PAM16: variants seen among roughly 807,000 people sequenced by gnomAD.
PAM16 encodes the protein presequence translocase associated motor 16, also known as mitochondrial import inner membrane translocase subunit TIM16.
PAM16 carries 11 observed loss-of-function variants against 17.9 expected under a neutral mutation model. That is an observed-to-expected ratio of 0.62 (90% CI 0.39 to 1.02). The LOEUF (loss-of-function observed/expected upper bound fraction) is 1.02, where lower values mean the gene tolerates loss of function less well. PAM16 is among the 50% of genes least tolerant of loss of function. The pLI, the probability that PAM16 is intolerant of heterozygous loss-of-function variation, is 0.01. For synonymous variants in PAM16, 72 were observed against 67.4 expected (o/e 1.07, Z -0.34); for missense variants, 199 against 165.4 (o/e 1.20, Z -1.11).
intron 1 of PAM16, chr16:4,345,923 C>T (rs1343629795): frequency 1.0e-6 from 1 of 985,128 alleles, no homozygotes; most frequent in Non-Finnish European, 1.2e-6. Flanking sequence ...CTCAGACTAC[C>T]CCTCACACCA....
intron 1 of PAM16, among the ~76,000 whole-genome samples, chr16:4,344,988 G>T (rs372934859): frequency 2.6e-5 from 4 of 152,152 alleles, no homozygotes; most frequent in Admixed American, 2.6e-4. Flanking sequence ...GGGAGTTCCT[G>T]CGAGCAGCCA....
chr16:4,340,802 G>A, intron 4 of PAM16, 118 bp downstream of exon 4: 1 of 1,314,998 alleles, frequency 7.6e-7, no homozygotes, highest in Non-Finnish European at 1.1e-6. Context: ...GGAAAGCCTG[G>A]CACAGTTTTC....
In PAM16 at chr16:4,340,389, T is replaced by C. The variant is rs2053623878; in HGVS notation, c.308A>G (p.Glu103Gly). 2 of 1,612,346 alleles carry C rather than the reference T, an allele frequency of 1.2e-6. No individual in the cohort carries two copies. Among genetic ancestry groups the C allele is most frequent in the Admixed American group, 1.7e-5 (1 of 60,006 alleles). Residue 103 changes from glutamate to glycine, a missense_variant, in exon 5 of 5, where the codon GAG becomes GGG. Physicochemically the swap from Glu to Gly is moderately conservative, Grantham distance 98. Coordinates refer to ENST00000318059, the MANE Select transcript of PAM16 (RefSeq NM_016069.11). Reference protein sequence around the residue: ...YLQSKVVRAKERLDEELKIQA... With the variant: ...YLQSKVVRAKGRLDEELKIQA... ...GATTTTGAGTTCCTCATCCAGGCGCTCCTTTGCGCGGACCACCTAGTGGGT... is the reference window on the plus strand; with the variant it reads ...GATTTTGAGTTCCTCATCCAGGCGCCCCTTTGCGCGGACCACCTAGTGGGT...
Position 4,351,285 on chromosome 16 carries a change from C to T in PAM16, c.-51G>A. 7.0e-7 allele frequency: 1 copy of T among 1,434,076 alleles called. No homozygotes were observed. Among genetic ancestry groups the T allele is most frequent in the Non-Finnish European group, 9.2e-7 (1 of 1,081,398 alleles). The allele number at this position is 1,434,076 out of a possible 1,614,324, so 88.8% of individuals were successfully genotyped here. A position where few individuals can be genotyped will look rare whatever the true frequency, so the allele number is the denominator to read the frequency against. ...AAACTCCGACTTCCTGGCCCCGCGG[C>T]CGGGGATCAAGCGTGGTCGGCGGGT... On this transcript the variant is annotated 5_prime_UTR_variant, in exon 1 of 5. Transcript: ENST00000318059.
intron 2 of PAM16, among the ~76,000 whole-genome samples, chr16:4,341,991 G>A (rs916710075): frequency 6.6e-6 from 1 of 152,208 alleles, no homozygotes; most frequent in African/African-American, 2.4e-5. Context: ...TAAAGGCTCA[G>A]AGAGTAGCTA....
At chr16:4,341,079 C>T in intron 3 of PAM16, 94 bp from the exon 4 acceptor site, 2 of 1,473,536 alleles carry the variant, frequency 1.4e-6, no homozygotes, top group South Asian at 2.3e-5. Flanking sequence ...GGCAACAGGA[C>T]TCCTCTCCAC....
In PAM16 at chr16:4,340,962, C is replaced by T; in HGVS notation, c.249G>A (p.Val83=). ...AGGAGCCACCCACGGATTTATCATTCACCTTAAATAAGTGTTCATAGTTCT... is the reference window on the plus strand; with the variant it reads ...AGGAGCCACCCACGGATTTATCATTTACCTTAAATAAGTGTTCATAGTTCT... ...VQKNYEHLFK[V]NDKSVGGSFY... Residue 83 remains valine (V), a synonymous_variant, in exon 4 of 5, where the codon GTG becomes GTA. Coordinates refer to ENST00000318059, the MANE Select transcript of PAM16 (RefSeq NM_016069.11). 1 of 1,613,726 alleles carries T rather than the reference C, an allele frequency of 6.2e-7. No homozygotes were observed. The highest frequency in any genetic ancestry group is 8.5e-7 in the Non-Finnish European group (1 of 1,179,996).
chr16:4,350,354 CATA>C (rs943636537), intron 1 of PAM16, among the ~76,000 whole-genome samples: 27 of 149,046 alleles, frequency 1.8e-4, no homozygotes, highest in African/African-American at 4.2e-4. Flanking sequence ...ATATATATAA[CATA>C]ATAATATGTA....
intron 1 of PAM16, 178 bp from the exon 2 acceptor site, chr16:4,343,469 G>A: frequency 7.0e-7 from 1 of 1,430,746 alleles, no homozygotes; most frequent in Non-Finnish European, 9.1e-7. Flanking sequence ...ATGGTGGGTG[G>A]CTTAGTTACT....
Position 4,341,483 on chromosome 16 carries a change from G to T in PAM16, c.110C>A (p.Ala37Asp). 6.2e-7 allele frequency: 1 copy of T among 1,609,890 alleles called. No individual in the cohort carries two copies. The highest frequency in any genetic ancestry group is 8.5e-7 in the Non-Finnish European group (1 of 1,179,144). ...EFAASRAAAD[A>D]RGRAGHRSAA... Reference sequence around the variant, plus strand: ...AGACCGGTGTCCAGCGCGTCCTCGGGCATCAGCTGCGGCCCGGCTGGCTGT... The same window carrying T: ...AGACCGGTGTCCAGCGCGTCCTCGGTCATCAGCTGCGGCCCGGCTGGCTGT... Residue 37 changes from alanine to aspartate, a missense_variant, in exon 3 of 5, where the codon GCC (alanine) becomes GAC (aspartate). Physicochemically the swap from Ala to Asp is moderately radical, Grantham distance 126. Coordinates refer to ENST00000318059, the MANE Select transcript of PAM16 (RefSeq NM_016069.11).
At chr16:4,347,171 A>T (rs189656087) in intron 1 of PAM16, 2 of 152,286 alleles carry the variant, frequency 1.3e-5, no homozygotes, top group East Asian at 3.9e-4. Flanking sequence ...GCCTCCGAGG[A>T]CCTGCTCTTT....
intron 1 of PAM16, among the ~76,000 whole-genome samples, chr16:4,348,933 C>G (rs1352238548): frequency 1.3e-5 from 2 of 148,266 alleles, no homozygotes; most frequent in Admixed American, 6.8e-5. Flanking sequence ...CGTGAGCCAC[C>G]GTACCCGGCC....
Position 4,341,459 on chromosome 16 carries a change from G to A in PAM16, c.134C>T (p.Ser45Phe), listed in dbSNP as rs780209066. 5.0e-6 allele frequency: 8 copies of A among 1,609,984 alleles called. No homozygotes were observed. In the South Asian group the frequency reaches 7.8e-5, roughly 16 times the overall value. The change falls in exon 3 of 5, where the codon TCT (serine) becomes TTT (phenylalanine). Residue 45 changes from serine to phenylalanine, a missense_variant. Transcript: ENST00000318059. ...ADARGRAGHR[S>F]AAASNLSGLS... The stretch of plus-strand genomic sequence containing the variant: ...GCCGGAGAGGTTGGAAGCGGCTGCA[G>A]ACCGGTGTCCAGCGCGTCCTCGGGC...
intron 1 of PAM16, chr16:4,345,300 T>C (rs2053739175): frequency 6.6e-6 from 1 of 152,142 alleles, no homozygotes; most frequent in Non-Finnish European, 1.5e-5. Flanking sequence ...TTCAATTCAT[T>C]GTGCCGTTTA....
chr16:4,351,057 G>GCCGCCGC (rs1567234946), intron 1 of PAM16, 175 bp downstream of exon 1: 82 of 346,644 alleles, frequency 2.4e-4, no homozygotes, highest in East Asian at 1.3e-3. Context: ...GAGGCCGCCG[G>GCCGCCGC]TGCCGCCGCT....
At chr16:4,343,832 T>A (rs1001543993) in intron 1 of PAM16, 5 of 399,882 alleles carry the variant, frequency 1.3e-5, no homozygotes, top group African/African-American at 2.1e-5. Flanking sequence ...GTTTCCATCT[T>A]CAAGGAGCTA....
intron 1 of PAM16, chr16:4,343,652 G>C (rs1302772994): frequency 2.0e-6 from 2 of 1,020,348 alleles, no homozygotes; most frequent in Non-Finnish European, 2.6e-6. Flanking sequence ...CCTGGACCTG[G>C]CAGTAACTCA....
At chr16:4,344,291 T>C (rs1596250900) in intron 1 of PAM16, among the ~76,000 whole-genome samples, 1 of 9,310 alleles carries the variant, frequency 1.1e-4, no homozygotes, top group African/African-American at 5.9e-4. Flanking sequence ...GAGGGGGTTC[T>C]GTGTGAGAGG....
intron 1 of PAM16, among the ~76,000 whole-genome samples, chr16:4,344,817 G>C (rs1234291210): frequency 2.8e-5 from 3 of 108,802 alleles, no homozygotes; most frequent in Non-Finnish European, 3.9e-5. Context: ...GGAGGGGATT[G>C]TGTGAGAGGA....
Sources: allele counts gnomAD v4.1 joint callset (sites outside exome capture counted in the v4.1 genomes callset), GRCh38; gene constraint gnomAD v4.1.1; transcripts MANE v1.5; gene names NCBI Gene and HGNC (gene_info 2026-07-23, HGNC 2026-07-21).